Variants in SLC66A1 observed in about 807,000 individuals in gnomAD.
The protein encoded by SLC66A1 is lysosomal amino acid transporter 1 homolog.
SLC66A1 carries 23 observed loss-of-function variants against 33.0 expected under a neutral mutation model. That is an observed-to-expected ratio of 0.70 (90% CI 0.50 to 0.99). The LOEUF is 0.99. SLC66A1 is among the 50% of genes least tolerant of loss of function. The pLI is 0.00. For missense variants in SLC66A1, 335 were observed against 383.6 expected (o/e 0.87, Z 1.06); for synonymous variants, 164 against 175.5 (o/e 0.93, Z 0.52).
intron 1 of SLC66A1, among the ~76,000 whole-genome samples, chr1:19,315,076 T>C (rs564049759): frequency 6.6e-6 from 1 of 152,234 alleles, no homozygotes; most frequent in East Asian, 1.9e-4. Flanking sequence ...GCCTGGCTAA[T>C]TTTTGTATTT....
chr1:19,318,393 G>A (rs2093816922), intron 2 of SLC66A1, among the ~76,000 whole-genome samples: 1 of 152,206 alleles, frequency 6.6e-6, no homozygotes, highest in Admixed American at 6.5e-5. Flanking sequence ...GGGGTCAAGA[G>A]CATCTTGACC....
intron 1 of SLC66A1, among the ~76,000 whole-genome samples, chr1:19,313,652 A>AAG (rs2093789479): frequency 6.6e-6 from 1 of 152,192 alleles, no homozygotes; most frequent in African/African-American, 2.4e-5. Flanking sequence ...CTTCTAGGGG[A>AAG]AGAGATGGCA....
Position 19,328,423 on chromosome 1 carries a change from G to T in SLC66A1, c.805-149G>T. The T allele has an allele frequency of 1.4e-6, 1 of 726,268 alleles. No individual in the cohort carries two copies. The highest frequency in any genetic ancestry group is 2.7e-5 in the East Asian group (1 of 37,362). 45.0% of individuals were successfully genotyped at this position (726,268 alleles called of 1,614,324 possible). On this transcript the variant is annotated intron_variant, in intron 7 of 7. Coordinates refer to ENST00000375153, the MANE Select transcript of SLC66A1 (RefSeq NM_001040125.2). The surrounding 1 kb of genome is among the most constrained non-coding windows in gnomAD (Gnocchi z 4.7). Reference sequence around the variant, plus strand: ...CTGAGTGGAGGGCACAGCTAAGGTAGCGGCTGGGAGGTTATGGCTGGCCCT... The same window carrying T: ...CTGAGTGGAGGGCACAGCTAAGGTATCGGCTGGGAGGTTATGGCTGGCCCT...
At chr1:19,325,704 G>C (rs374258303) in intron 4 of SLC66A1, 122 bp downstream of exon 4, 1 of 840,128 alleles carries the variant, frequency 1.2e-6, no homozygotes, top group African/African-American at 1.7e-5. Context: ...CCCAAACCTC[G>C]GAAAGCCTTC....
downstream of SLC66A1, among the ~76,000 whole-genome samples, chr1:19,331,726 A>G (rs1003472838): frequency 4.6e-5 from 7 of 152,230 alleles, no homozygotes; most frequent in African/African-American, 1.7e-4. Flanking sequence ...ACCTGGGACC[A>G]GTAGGTGCCC....
intron 2 of SLC66A1, among the ~76,000 whole-genome samples, chr1:19,323,605 C>T (rs1230946358): frequency 6.6e-6 from 1 of 152,104 alleles, no homozygotes; most frequent in Non-Finnish European, 1.5e-5. Context: ...TGGGGTTTCA[C>T]CATGTTGGCC....
At position 19,328,777 on chromosome 1, in the gene SLC66A1, G is replaced by A. The variant is rs1228217912; in HGVS notation, c.*134G>A. The A allele has an allele frequency of 2.4e-5, 23 of 953,784 alleles. No individual in the cohort carries two copies. Among genetic ancestry groups the A allele is most frequent in the African/African-American group, 4.9e-5 (3 of 61,540 alleles). 59.1% of individuals were successfully genotyped at this position (953,784 alleles called of 1,614,324 possible). A position where few individuals can be genotyped will look rare whatever the true frequency, so the allele number is the denominator to read the frequency against. On this transcript the variant is annotated 3_prime_UTR_variant, in exon 8 of 8. Transcript: ENST00000375153. The surrounding 1 kb of genome is among the most constrained non-coding windows in gnomAD (Gnocchi z 4.7). The stretch of plus-strand genomic sequence containing the variant: ...CTCTGGATCCTCCGTGGACCGAACC[G>A]TCCCCCCAGGAACACACCTTCAGGT...
intron 2 of SLC66A1, among the ~76,000 whole-genome samples, chr1:19,320,773 T>C (rs1378902787): frequency 6.7e-6 from 1 of 149,280 alleles, no homozygotes; most frequent in Non-Finnish European, 1.5e-5. Flanking sequence ...AGTGCAGCAG[T>C]GCAATCTTGG....
At chr1:19,320,563 G>A (rs1349260947) in intron 2 of SLC66A1, among the ~76,000 whole-genome samples, 4 of 146,836 alleles carry the variant, frequency 2.7e-5, no homozygotes, top group South Asian at 2.2e-4. Context: ...ACAGGCACCT[G>A]CCACCACGCC....
chr1:19,327,670 G>T lies in SLC66A1; in HGVS notation c.804+258G>T. On this transcript the variant is annotated intron_variant, in intron 7 of 7. Coordinates refer to ENST00000375153, the MANE Select transcript of SLC66A1 (RefSeq NM_001040125.2). ...CCCCAGAAGCTTACAGCCCAGCGGG[G>T]CGCAGAGAGGACACAACGCTATCAT... 3 of 678,516 alleles carry T rather than the reference G, an allele frequency of 4.4e-6. No homozygotes were observed. The East Asian group carries it at 8.8e-5, about 20-fold the overall frequency. 42.0% of individuals were successfully genotyped at this position (678,516 alleles called of 1,614,324 possible). A position where few individuals can be genotyped will look rare whatever the true frequency, so the allele number is the denominator to read the frequency against.
Position 19,317,762 on chromosome 1 carries a change from T to G in SLC66A1, c.85T>G (p.Cys29Gly), listed in dbSNP as rs1428696479. Residue 29 changes from cysteine to glycine, a missense_variant, in exon 2 of 8, where the codon TGT becomes GGT. Physicochemically the swap from Cys to Gly is radical, Grantham distance 159. Coordinates refer to ENST00000375153, the MANE Select transcript of SLC66A1 (RefSeq NM_001040125.2). ...IQWIWDVLGECAQDGWDEASV... is the reference protein window; with the variant it reads ...IQWIWDVLGEGAQDGWDEASV... The stretch of plus-strand genomic sequence containing the variant: ...GTGGATATGGGATGTGTTGGGTGAA[T>G]GTGCCCAGGACGGCTGGGACGAGGC... The G allele has an allele frequency of 3.7e-6, 6 of 1,614,072 alleles. No individual in the cohort carries two copies. In the African/African-American group the frequency reaches 8.0e-5, roughly 22 times the overall value.
At chr1:19,326,948 G>A (rs983295080) in intron 6 of SLC66A1, among the ~76,000 whole-genome samples, 4 of 152,184 alleles carry the variant, frequency 2.6e-5, no homozygotes, top group African/African-American at 9.7e-5. Context: ...GAGGCTTGCT[G>A]GGCAGCTAGA....
In SLC66A1 at chr1:19,325,475, GC is replaced by G; in HGVS notation, c.295-15del. On this transcript the variant is annotated intron_variant, in intron 3 of 7. Transcript: ENST00000375153. ...ATCCTGGGACTGCGCCAACCCCTGGGCCCCCTGCATCTCTTACAGACCTACA... is the reference window on the plus strand; with the variant it reads ...ATCCTGGGACTGCGCCAACCCCTGGGCCCCTGCATCTCTTACAGACCTACA... The G allele has an allele frequency of 1.3e-6, 2 of 1,559,316 alleles. No individual in the cohort carries two copies. Among genetic ancestry groups the G allele is most frequent in the Non-Finnish European group, 1.8e-6 (2 of 1,131,176 alleles).
At chr1:19,332,603 C>T (rs1569823272), downstream of SLC66A1, among the ~76,000 whole-genome samples, 1 of 152,150 alleles carries the variant, frequency 6.6e-6, no homozygotes, top group Non-Finnish European at 1.5e-5. Flanking sequence ...GACCCCATCT[C>T]TACAAAAATT....
chr1:19,319,281 T>G (rs1036014208), intron 2 of SLC66A1, among the ~76,000 whole-genome samples: 1 of 152,120 alleles, frequency 6.6e-6, no homozygotes, highest in Non-Finnish European at 1.5e-5. Flanking sequence ...CAGCAGTCAT[T>G]CTTCATTTCT....
In SLC66A1 at chr1:19,327,229, C is replaced by G; in HGVS notation, c.621C>G (p.Phe207Leu). ...LSRLPQIRTNFLRKSTQGISY... is the reference protein window; with the variant it reads ...LSRLPQIRTNLLRKSTQGISY... ...GACCTGACCTCCTCCTGCCCCAGTT[C>G]CTCCGGAAGTCCACCCAGGGGATCT... The change falls in exon 7 of 8, where the codon TTC (phenylalanine) becomes TTG (leucine). Residue 207 changes from phenylalanine (F) to leucine (L), a missense_variant and splice_region_variant. Coordinates refer to ENST00000375153, the MANE Select transcript of SLC66A1 (RefSeq NM_001040125.2). The G allele has an allele frequency of 6.2e-7, 1 of 1,613,126 alleles. No homozygotes were observed. Among genetic ancestry groups the G allele is most frequent in the Non-Finnish European group, 8.5e-7 (1 of 1,179,294 alleles).
At chr1:19,314,218 C>T (rs1244437989) in intron 1 of SLC66A1, among the ~76,000 whole-genome samples, 4 of 152,192 alleles carry the variant, frequency 2.6e-5, no homozygotes, top group Non-Finnish European at 4.4e-5. Flanking sequence ...CAGAGTGTCC[C>T]GAGCTCCACA....
rs201690462 is a variant in SLC66A1 at position 19,327,426 on chromosome 1, C to T, written c.804+14C>T. 8.4e-5 allele frequency: 133 copies of T among 1,574,364 alleles called. No individual in the cohort carries two copies. The highest frequency in any genetic ancestry group is 1.1e-4 in the Non-Finnish European group (126 of 1,157,690). ...CTCGACACCATCGTATCCTTCAGGGCGTGTGGGGCAGGTGGCGGGGTGTGG... is the reference window on the plus strand; with the variant it reads ...CTCGACACCATCGTATCCTTCAGGGTGTGTGGGGCAGGTGGCGGGGTGTGG... On this transcript the variant is annotated intron_variant, in intron 7 of 7. Coordinates refer to ENST00000375153, the MANE Select transcript of SLC66A1 (RefSeq NM_001040125.2).
chr1:19,333,928 CAAAACAA>C (rs560789125), downstream of SLC66A1, among the ~76,000 whole-genome samples: 35,449 of 151,568 alleles, frequency 0.23, 4,300 homozygotes, highest in African/African-American at 0.24. The surrounding 1 kb of genome is among the most constrained non-coding windows in gnomAD (Gnocchi z 4.2). Flanking sequence ...CAAAACAAAA[CAAAACAA>C]AACACAGGAA....
Sources: allele counts gnomAD v4.1 joint callset (sites outside exome capture counted in the v4.1 genomes callset), GRCh38; gene constraint gnomAD v4.1.1; non-coding constraint Gnocchi (gnomAD v3.1); transcripts MANE v1.5; gene names NCBI Gene and HGNC (gene_info 2026-07-23, HGNC 2026-07-21).